KREMEN1: variants seen among roughly 807,000 people sequenced by gnomAD.
KREMEN1 encodes the protein kremen protein 1.
A neutral mutation model predicts 46.5 loss-of-function variants in KREMEN1; 30 were observed. That is an observed-to-expected ratio of 0.65 (90% confidence interval 0.48 to 0.88). The LOEUF is 0.88. Among genes scored for constraint, KREMEN1 ranks in the 40% least tolerant of loss-of-function variants. KREMEN1 has a pLI of 0.00. For synonymous variants in KREMEN1, 214 were observed against 230.6 expected, an observed-to-expected ratio of 0.93 and a Z score of 0.65; for missense variants, 533 against 596.9, an observed-to-expected ratio of 0.89 and a Z score of 1.11.
intron 6 of KREMEN1, 65 bp from the exon 7 acceptor site, chr22:29,138,558 TC>T: frequency 6.8e-7 from 1 of 1,479,324 alleles, no homozygotes. Context: ...ACTCGTGCTC[TC>T]CTCCCGCACA....
intron 5 of KREMEN1, 138 bp downstream of exon 5, chr22:29,125,554 G>A (rs1470976243): frequency 8.1e-6 from 7 of 861,004 alleles, no homozygotes; most frequent in Admixed American, 4.6e-5. Flanking sequence ...TAGACCCTGG[G>A]AATACAGCAC....
intron 3 of KREMEN1, among the ~76,000 whole-genome samples, chr22:29,103,608 C>T (rs775566072): frequency 1.1e-4 from 16 of 152,154 alleles, no homozygotes; most frequent in South Asian, 2.1e-4. Flanking sequence ...CCAACGTCTT[C>T]GGGTTTAACA....
intron 5 of KREMEN1, among the ~76,000 whole-genome samples, chr22:29,126,205 A>G (rs1047576613): frequency 6.6e-6 from 1 of 151,912 alleles, no homozygotes; most frequent in African/African-American, 2.4e-5. Context: ...CGCTACTGGC[A>G]TCTCAACCAG....
chr22:29,094,479 A>G, intron 2 of KREMEN1, 59 bp downstream of exon 2: 1 of 1,460,096 alleles, frequency 6.8e-7, no homozygotes. Flanking sequence ...CTCTTCTTCC[A>G]ACCCCTTTCA....
chr22:29,153,417 T>A (rs1362941620), intron 9 of KREMEN1, among the ~76,000 whole-genome samples: 1 of 151,398 alleles, frequency 6.6e-6, no homozygotes, highest in African/African-American at 2.4e-5. Context: ...AGCACAATCA[T>A]AGCTCATTGC....
rs1039287257 is a variant in KREMEN1 at position 29,144,667 on chromosome 22, T to C, written c.*2555T>C. 16 of 985,392 alleles carry C rather than the reference T, an allele frequency of 1.6e-5. No homozygotes were observed. In the Admixed American group the frequency reaches 2.5e-4, roughly 15 times the overall value. 61.0% of individuals were successfully genotyped at this position (985,392 alleles called of 1,614,324 possible). A position where few individuals can be genotyped will look rare whatever the true frequency, so the allele number is the denominator to read the frequency against. On this transcript the variant is annotated 3_prime_UTR_variant, in exon 9 of 9. Coordinates refer to ENST00000400335, the MANE Select transcript of KREMEN1 (RefSeq NM_001039570.3). The stretch of plus-strand genomic sequence containing the variant: ...GGGTCCTGTGCTGTGAATAGATCCA[T>C]GTGCAGCACAAAGGGAATGTGGCAC...
At chr22:29,155,977 T>C (rs187718514) in intron 9 of KREMEN1, among the ~76,000 whole-genome samples, 2 of 148,136 alleles carry the variant, frequency 1.4e-5, no homozygotes, top group East Asian at 4.0e-4. Flanking sequence ...AAAAAAAATT[T>C]GGAAAGCACA....
At chr22:29,120,501 A>T (rs76865167) in intron 3 of KREMEN1, among the ~76,000 whole-genome samples, 13,021 of 68,720 alleles carry the variant, frequency 0.19, 3,155 homozygotes, top group East Asian at 0.49. Context: ...GAGGTGATAA[A>T]GGAAACGGAG....
intron 6 of KREMEN1, 97 bp downstream of exon 6, chr22:29,137,771 A>G: frequency 1.0e-6 from 1 of 984,216 alleles, no homozygotes; most frequent in Non-Finnish European, 1.4e-6. Context: ...TGCGGGGCAG[A>G]TTGGGCCTCA....
intron 3 of KREMEN1, among the ~76,000 whole-genome samples, chr22:29,102,178 C>G (rs1166248404): frequency 6.6e-6 from 1 of 152,096 alleles, no homozygotes; most frequent in Non-Finnish European, 1.5e-5. Context: ...TGGGATCTGG[C>G]AACCCTTTCA....
In KREMEN1 at chr22:29,143,751, A is replaced by C; in HGVS notation, c.*1639A>C. 1 of 985,656 alleles carries C rather than the reference A, an allele frequency of 1.0e-6. No individual in the cohort carries two copies. The allele number at this position is 985,656 out of a possible 1,614,324, so 61.1% of individuals were successfully genotyped here. On this transcript the variant is annotated 3_prime_UTR_variant, in exon 9 of 9. Transcript: ENST00000400335. ...TGCAAGACTCTGTCTCAAAAAAAAA[A>C]AAAACACTCCAAGGGCCATCCGTGC...
At chr22:29,100,130 C>G (rs1166679214) in intron 3 of KREMEN1, among the ~76,000 whole-genome samples, 1 of 141,006 alleles carries the variant, frequency 7.1e-6, no homozygotes, top group African/African-American at 2.7e-5. Flanking sequence ...CTCACTCTGT[C>G]TCCCAGGCTG....
At position 29,131,145 on chromosome 22, in the gene KREMEN1, T is replaced by G. The variant is rs2038527262; in HGVS notation, c.631+5729T>G. Among the ~76,000 whole-genome samples the G allele has an allele frequency of 2.0e-5, 3 of 152,208 alleles. No individual in the cohort carries two copies. In the South Asian group the frequency reaches 6.2e-4, roughly 31 times the overall value. The stretch of plus-strand genomic sequence containing the variant: ...CTTACACAGAACACTTCATAAGCAT[T>G]GCTCCTGCTAATTCTCATGACCCCA... On this transcript the variant is annotated intron_variant, in intron 5 of 8. Transcript: ENST00000400335.
At chr22:29,151,289 G>A (rs1356597536), downstream of KREMEN1, among the ~76,000 whole-genome samples, 1 of 152,172 alleles carries the variant, frequency 6.6e-6, no homozygotes, top group Non-Finnish European at 1.5e-5. Flanking sequence ...GTTAAAATGA[G>A]GCCAGAAGGG....
chr22:29,163,515 T>G (rs954324358), intron 9 of KREMEN1, among the ~76,000 whole-genome samples: 1 of 152,052 alleles, frequency 6.6e-6, no homozygotes, highest in African/African-American at 2.4e-5. Context: ...ATAGCTGGGA[T>G]TACAGGGGCC....
At chr22:29,081,256 T>C (rs1216946955) in intron 1 of KREMEN1, among the ~76,000 whole-genome samples, 1 of 152,138 alleles carries the variant, frequency 6.6e-6, no homozygotes, top group Non-Finnish European at 1.5e-5. Context: ...TCTTTAAGCA[T>C]TTCTGTGGAC....
rs199927010 is a variant in KREMEN1 at position 29,142,254 on chromosome 22, G to C, written c.*142G>C. Reference sequence around the variant, plus strand: ...TCTTCGGGGAAACCCTCCTCCTACAGACTAGGAAGAGGCACCCTGCTGCCA... The same window carrying C: ...TCTTCGGGGAAACCCTCCTCCTACACACTAGGAAGAGGCACCCTGCTGCCA... On this transcript the variant is annotated 3_prime_UTR_variant, in exon 9 of 9. Coordinates refer to ENST00000400335, the MANE Select transcript of KREMEN1 (RefSeq NM_001039570.3). The C allele has an allele frequency of 5.2e-6, 7 of 1,357,852 alleles. No homozygotes were observed. In the East Asian group the frequency reaches 2.0e-4, roughly 38 times the overall value. The allele number at this position is 1,357,852 out of a possible 1,614,324, so 84.1% of individuals were successfully genotyped here.
chr22:29,129,156 AG>A (rs1478585630), intron 5 of KREMEN1, among the ~76,000 whole-genome samples: 1 of 152,146 alleles, frequency 6.6e-6, no homozygotes, highest in Non-Finnish European at 1.5e-5. Context: ...CTGCTGAGAA[AG>A]GTACAAAATG....
At chr22:29,159,201 A>G (rs965894478) in intron 9 of KREMEN1, among the ~76,000 whole-genome samples, 2 of 150,762 alleles carry the variant, frequency 1.3e-5, no homozygotes, top group Admixed American at 1.3e-4. Context: ...CCTGGGCTCA[A>G]GTGATCCTTC....
Sources: gnomAD v4.1 joint callset for allele counts (sites outside exome capture counted in the v4.1 genomes callset) on GRCh38, gnomAD v4.1.1 for gene constraint, MANE v1.5 for transcripts, NCBI Gene and HGNC (gene_info 2026-07-23, HGNC 2026-07-21) for gene names.